Variants in FRMD4A observed in about 807,000 individuals in gnomAD.
FRMD4A encodes FERM domain-containing protein 4A.
In FRMD4A, 29 loss-of-function variants were observed where a neutral mutation model predicts 129.1. The ratio of observed to expected loss-of-function variants is 0.22; its 90% CI spans 0.17 to 0.31. The LOEUF is 0.31. Ranked by LOEUF, FRMD4A falls within the 10% of genes least tolerant of loss-of-function variation. The pLI is 1.00. For missense variants in FRMD4A, 1,272 were observed against 1,375.8 expected (o/e 0.92, Z 1.19); for synonymous variants, 634 against 571.6 (o/e 1.11, Z -1.56).
intron 2 of FRMD4A, among the ~76,000 whole-genome samples, chr10:14,150,452 T>G (rs1320542733): frequency 6.6e-6 from 1 of 152,192 alleles, no homozygotes; most frequent in Non-Finnish European, 1.5e-5. Flanking sequence ...GTAAATTGCT[T>G]AATTTTTTGC....
At chr10:14,080,080 C>T (rs778285479) in intron 2 of FRMD4A, among the ~76,000 whole-genome samples, 4 of 152,204 alleles carry the variant, frequency 2.6e-5, no homozygotes, top group Admixed American at 6.5e-5. Flanking sequence ...ATGTAAAATG[C>T]TGTCTGGGCC....
intron 18 of FRMD4A, among the ~76,000 whole-genome samples, chr10:13,663,771 C>G (rs1160306436): frequency 6.6e-6 from 1 of 152,178 alleles, no homozygotes; most frequent in East Asian, 1.9e-4. Context: ...TCATAGAATA[C>G]TGCAATGCAG....
intron 2 of FRMD4A, among the ~76,000 whole-genome samples, chr10:14,289,014 T>A (rs988277593): frequency 6.6e-6 from 1 of 152,222 alleles, no homozygotes; most frequent in Non-Finnish European, 1.5e-5. Flanking sequence ...ATTTTCTTCA[T>A]CTTTAAATGG....
At chr10:14,083,009 T>G (rs1588935185) in intron 2 of FRMD4A, 2 of 152,252 alleles carry the variant, frequency 1.3e-5, no homozygotes, top group African/African-American at 4.8e-5. Context: ...ATTAACTTGT[T>G]GCACATCACG....
At chr10:14,110,537 C>T (rs1200837535) in intron 2 of FRMD4A, among the ~76,000 whole-genome samples, 2 of 152,100 alleles carry the variant, frequency 1.3e-5, no homozygotes, top group African/African-American at 4.8e-5. Flanking sequence ...ACAATGGAGG[C>T]ATTCACCCAT....
intron 2 of FRMD4A, among the ~76,000 whole-genome samples, chr10:14,072,239 C>T (rs543289974): frequency 1.0e-3 from 155 of 152,160 alleles, no homozygotes; most frequent in Admixed American, 2.2e-3. Flanking sequence ...TTTAGGGTCA[C>T]GGAGATGCTC....
At chr10:13,647,235 C>G (rs961685421) in intron 24 of FRMD4A, 200 bp from the exon 25 acceptor site, 1 of 152,266 alleles carries the variant, frequency 6.6e-6, no homozygotes, top group African/African-American at 2.4e-5. Flanking sequence ...CACAAAGGGG[C>G]CGCCTGAAAC....
chr10:13,681,419 G>A (rs917099179), intron 15 of FRMD4A, among the ~76,000 whole-genome samples: 27 of 152,276 alleles, frequency 1.8e-4, no homozygotes, highest in African/African-American at 5.5e-4. Context: ...GTAGAAGGGC[G>A]AGATTTCAAA....
intron 2 of FRMD4A, among the ~76,000 whole-genome samples, chr10:14,267,400 T>C (rs1845016432): frequency 6.6e-6 from 1 of 152,182 alleles, no homozygotes; most frequent in African/African-American, 2.4e-5. Context: ...TGCTCCATTT[T>C]AAAGATCAGG....
intron 12 of FRMD4A, among the ~76,000 whole-genome samples, chr10:13,728,318 A>G (rs2090057639): frequency 6.6e-6 from 1 of 151,988 alleles, no homozygotes; most frequent in African/African-American, 2.4e-5. Flanking sequence ...GAGAAGAGAA[A>G]CCGGCCTTGG....
chr10:13,946,667 C>A (rs2095334064), intron 2 of FRMD4A, among the ~76,000 whole-genome samples: 1 of 152,132 alleles, frequency 6.6e-6, no homozygotes, highest in Non-Finnish European at 1.5e-5. Context: ...TGTTCTTTTA[C>A]TCGCCTTCTC....
At chr10:13,999,342 G>A (rs922798215) in intron 2 of FRMD4A, among the ~76,000 whole-genome samples, 5 of 152,160 alleles carry the variant, frequency 3.3e-5, no homozygotes, top group South Asian at 4.1e-4. Flanking sequence ...GCATGTAGTC[G>A]ATGTTAAATA....
At position 13,666,282 on chromosome 10, in the gene FRMD4A, G is replaced by A. The variant is rs1308909594; in HGVS notation, c.1418C>T (p.Ser473Phe). The change falls in exon 18 of 25, where the codon TCC (serine) becomes TTC (phenylalanine). Residue 473 changes from serine to phenylalanine, a missense_variant. Around this residue, in one of 2 missense-constraint regions of FRMD4A, gnomAD observed 972 missense variants for 892.3 expected, o/e 1.09. Coordinates refer to ENST00000357447, the MANE Select transcript of FRMD4A (RefSeq NM_018027.5). ...GCGGCGGGCGGCCTCCGTAATCTGG[G>A]ACTGAATGGCAAACTCTCGTTCCAG... The part of the protein sequence containing the change: ...ERLEREFAIQ[S>F]QITEAARRLA... The A allele has an allele frequency of 1.9e-6, 3 of 1,613,982 alleles. No homozygotes were observed. The highest frequency in any genetic ancestry group is 1.3e-5 in the African/African-American group (1 of 74,910).
intron 5 of FRMD4A, among the ~76,000 whole-genome samples, chr10:13,794,064 G>C (rs974593059): frequency 1.3e-5 from 2 of 152,092 alleles, no homozygotes; most frequent in Non-Finnish European, 2.9e-5. Flanking sequence ...GAGGGCCTGA[G>C]TTCAGGTAAT....
intron 2 of FRMD4A, among the ~76,000 whole-genome samples, chr10:14,025,396 G>A (rs191482270): frequency 4.6e-5 from 7 of 152,058 alleles, no homozygotes; most frequent in African/African-American, 1.4e-4. Flanking sequence ...CTGTTCCGTA[G>A]TGTTAAGTAC....
chr10:13,919,351 A>G (rs747346414), intron 2 of FRMD4A, among the ~76,000 whole-genome samples: 1 of 152,158 alleles, frequency 6.6e-6, no homozygotes, highest in Non-Finnish European at 1.5e-5. Flanking sequence ...ATATTTTCCA[A>G]TTACGTGCCC....
chr10:13,703,389 T>C (rs374206536), intron 13 of FRMD4A, among the ~76,000 whole-genome samples: 1 of 152,292 alleles, frequency 6.6e-6, no homozygotes, highest in East Asian at 1.9e-4. Flanking sequence ...AAGCTAAGCA[T>C]TGAGTTAGGA....
chr10:14,223,763 A>AAAG (rs1206702742), intron 2 of FRMD4A, among the ~76,000 whole-genome samples: 1 of 125,178 alleles, frequency 8.0e-6, no homozygotes, highest in African/African-American at 3.2e-5. Flanking sequence ...AAAAAAAAAA[A>AAAG]AGAGAGAGAG....
At chr10:13,790,762 G>C (rs568080377) in intron 5 of FRMD4A, among the ~76,000 whole-genome samples, 1 of 152,062 alleles carries the variant, frequency 6.6e-6, no homozygotes. Flanking sequence ...CTGTGGGGAG[G>C]GGGTGACAGC....
Sources: allele counts gnomAD v4.1 joint callset (sites outside exome capture counted in the v4.1 genomes callset), GRCh38; gene constraint gnomAD v4.1.1; regional missense constraint gnomAD v4.1.1; transcripts MANE v1.5; gene names NCBI Gene and HGNC (gene_info 2026-07-23, HGNC 2026-07-21).